The following PSTPIP1 variants were observed in gnomAD, a reference collection of about 807,000 sequenced individuals.
PSTPIP1 encodes proline-serine-threonine phosphatase-interacting protein 1.
PSTPIP1 carries 66 observed loss-of-function variants against 69.6 expected under a neutral mutation model. The observed-to-expected ratio is 0.95, with a 90% confidence interval of 0.78 to 1.16. PSTPIP1 has a LOEUF of 1.16. Ranked by LOEUF, PSTPIP1 falls within the 50% of genes most tolerant of loss-of-function variation. The pLI, the probability that PSTPIP1 is intolerant of heterozygous loss-of-function variation, is 0.00. For synonymous variants in PSTPIP1, 266 were observed against 222.7 expected (o/e 1.19, Z -1.73); for missense variants, 603 against 557.4 (o/e 1.08, Z -0.82).
At chr15:76,998,585 T>C (rs1320085123) in intron 1 of PSTPIP1, among the ~76,000 whole-genome samples, 2 of 152,192 alleles carry the variant, frequency 1.3e-5, no homozygotes, top group South Asian at 2.1e-4. Context: ...GTACCTGATA[T>C]ACAGTTGGCG....
intron 11 of PSTPIP1, 88 bp downstream of exon 11, chr15:77,032,482 G>A (rs770392024): frequency 2.8e-6 from 4 of 1,404,474 alleles, no homozygotes; most frequent in East Asian, 4.7e-5. Flanking sequence ...CCAGGACCGG[G>A]CTGGGGTAGC....
At chr15:77,031,339 C>T in intron 10 of PSTPIP1, 61 bp downstream of exon 10, 1 of 1,540,496 alleles carries the variant, frequency 6.5e-7, no homozygotes, top group Non-Finnish European at 9.0e-7. Context: ...GCAAAGCACC[C>T]AGGTCCATCT....
At chr15:77,037,015 A>G (rs749932813) in intron 14 of PSTPIP1, 30 bp from the exon 15 acceptor site, 1 of 1,606,532 alleles carries the variant, frequency 6.2e-7, no homozygotes, top group South Asian at 1.1e-5. Context: ...AGGCCCTTCC[A>G]ACGTCATGCG....
intron 14 of PSTPIP1, among the ~76,000 whole-genome samples, chr15:77,036,813 G>A (rs1361693310): frequency 6.6e-6 from 1 of 152,188 alleles, no homozygotes; most frequent in East Asian, 1.9e-4. Context: ...TGGGAGAGGG[G>A]AGGTGAGGCT....
At chr15:77,034,152 G>A (rs1342846749) in intron 12 of PSTPIP1, among the ~76,000 whole-genome samples, 1 of 152,102 alleles carries the variant, frequency 6.6e-6, no homozygotes, top group Admixed American at 6.5e-5. Context: ...AAGAGGCGGG[G>A]GTCAGTGACT....
At chr15:77,006,134 C>A (rs2075811253) in intron 1 of PSTPIP1, among the ~76,000 whole-genome samples, 1 of 151,710 alleles carries the variant, frequency 6.6e-6, no homozygotes, top group African/African-American at 2.4e-5. Context: ...TTGTTAATTT[C>A]TGTTTTTTTT....
intron 3 of PSTPIP1, among the ~76,000 whole-genome samples, chr15:77,024,712 G>T (rs984009947): frequency 3.0e-4 from 43 of 145,532 alleles, no homozygotes; most frequent in African/African-American, 1.1e-3. Context: ...CCTCCTATGC[G>T]CAGTGCTGGG....
At chr15:77,032,149 C>A in intron 10 of PSTPIP1, 149 bp from the exon 11 acceptor site, 1 of 702,148 alleles carries the variant, frequency 1.4e-6, no homozygotes, top group Non-Finnish European at 2.4e-6. Flanking sequence ...AGCTGTCAGC[C>A]AGGGCCGTGA....
chr15:76,995,588 G>A lies in PSTPIP1; in HGVS notation c.15G>A (p.Leu5=), dbSNP rs749404844. 13 of 1,613,720 alleles carry A rather than the reference G, an allele frequency of 8.1e-6. No individual in the cohort carries two copies. The highest frequency in any genetic ancestry group is 4.0e-5 in the African/African-American group (3 of 74,934). Residue 5 remains leucine, a synonymous_variant, in exon 1 of 15, where the codon CTG becomes CTA. Coordinates refer to ENST00000558012, the MANE Select transcript of PSTPIP1 (RefSeq NM_003978.5). ...GACGCCTGAGGATGATGCCCCAGCT[G>A]CAGTTCAAAGATGCCTTTTGGGTGA... The part of the protein sequence containing the change: MMPQ[L]QFKDAFWCRD...
Position 77,037,416 on chromosome 15 carries a change from A to C in PSTPIP1, c.*240A>C, listed in dbSNP as rs1393726603. 2.3e-6 allele frequency: 1 copy of C among 433,242 alleles called. No homozygotes were observed. Among genetic ancestry groups the C allele is most frequent in the East Asian group, 4.8e-5 (1 of 20,776 alleles). The allele number at this position is 433,242 out of a possible 1,614,324, so 26.8% of individuals were successfully genotyped here. On this transcript the variant is annotated 3_prime_UTR_variant, in exon 15 of 15. Coordinates refer to ENST00000558012, the MANE Select transcript of PSTPIP1 (RefSeq NM_003978.5). The stretch of plus-strand genomic sequence containing the variant: ...TCAGAGGAGGCAAAGGAACAAGGGA[A>C]GGAGCCTGGATGTGGAGCTCCCCAA...
Position 77,035,551 on chromosome 15 carries a change from G to C in PSTPIP1, c.973G>C (p.Ala325Pro). Reference protein sequence around the residue: ...LHGSPKTTSLAASAASTETLT... With the variant: ...LHGSPKTTSLPASAASTETLT... ...CGGAAGTCCCAAGACCACTTCGTTG[G>C]CAGCTTCTGCTGGTAAAGGGGGTCA... is the stretch of plus-strand genomic sequence containing the variant. Residue 325 changes from alanine (A) to proline (P), a missense_variant, in exon 13 of 15, where the codon GCA becomes CCA. By Grantham distance (27) the Ala-to-Pro change is conservative. Coordinates refer to ENST00000558012, the MANE Select transcript of PSTPIP1 (RefSeq NM_003978.5). 6.3e-7 allele frequency: 1 copy of C among 1,585,186 alleles called. No homozygotes were observed. The highest frequency in any genetic ancestry group is 8.6e-7 in the Non-Finnish European group (1 of 1,166,236).
chr15:77,002,680 C>T (rs941137004), intron 1 of PSTPIP1, among the ~76,000 whole-genome samples: 11 of 152,182 alleles, frequency 7.2e-5, no homozygotes, highest in African/African-American at 2.7e-4. Flanking sequence ...TTTGCTTTTG[C>T]GATGCCTGCA....
At chr15:77,036,036 T>C in intron 14 of PSTPIP1, 101 bp downstream of exon 14, 1 of 1,397,094 alleles carries the variant, frequency 7.2e-7, no homozygotes, top group Non-Finnish European at 9.4e-7. Flanking sequence ...CCTCATGGTT[T>C]CACTCATCTT....
intron 1 of PSTPIP1, among the ~76,000 whole-genome samples, chr15:76,998,027 C>T (rs968044624): frequency 2.0e-5 from 3 of 152,206 alleles, no homozygotes; most frequent in Admixed American, 6.5e-5. Context: ...CACTTGAGGT[C>T]AGGAGTTCAA....
chr15:77,015,943 G>C, intron 1 of PSTPIP1: 1 of 456,202 alleles, frequency 2.2e-6, no homozygotes, highest in South Asian at 1.5e-5. Context: ...GAGCACGGCG[G>C]TCACAGCCTG....
Position 77,025,383 on chromosome 15 carries a change from G to A in PSTPIP1, c.247+65G>A, listed in dbSNP as rs922760415. 74 of 1,580,794 alleles carry A rather than the reference G, an allele frequency of 4.7e-5. No individual in the cohort carries two copies. The Admixed American group carries it at 1.2e-3, about 26-fold the overall frequency. On this transcript the variant is annotated intron_variant, in intron 4 of 14. Transcript: ENST00000558012. Reference sequence around the variant, plus strand: ...TGCGAGGCTGGTGGAGGGTTTGGGGGGACAGAAGATGAGGTGTTGGGGCTG... The same window carrying A: ...TGCGAGGCTGGTGGAGGGTTTGGGGAGACAGAAGATGAGGTGTTGGGGCTG...
chr15:77,030,727 C>T (rs2076394505), intron 9 of PSTPIP1, 146 bp downstream of exon 9: 1 of 860,878 alleles, frequency 1.2e-6, no homozygotes, highest in Admixed American at 3.0e-5. Context: ...TGCTCACAGG[C>T]CTGTGCTGGG....
chr15:77,012,632 T>C (rs1049027439), intron 1 of PSTPIP1, among the ~76,000 whole-genome samples: 1 of 152,254 alleles, frequency 6.6e-6, no homozygotes, highest in African/African-American at 2.4e-5. Context: ...TGTGGGGTAC[T>C]GACTGTAGGG....
At chr15:77,032,782 T>C (rs2076452561) in intron 11 of PSTPIP1, 80 bp from the exon 12 acceptor site, 3 of 1,269,352 alleles carry the variant, frequency 2.4e-6, no homozygotes, top group Non-Finnish European at 3.3e-6. Context: ...AGATTGGGAA[T>C]GTAGGGCCCC....
Sources: gnomAD v4.1 joint callset for allele counts (sites outside exome capture counted in the v4.1 genomes callset) on GRCh38, gnomAD v4.1.1 for gene constraint, MANE v1.5 for transcripts, NCBI Gene and HGNC (gene_info 2026-07-23, HGNC 2026-07-21) for gene names.